The following DNAAF8 variants were observed in gnomAD, a reference collection of about 807,000 sequenced individuals.
DNAAF8 encodes dynein axonemal-associated protein 1.
In DNAAF8, 61 loss-of-function variants were observed where a neutral mutation model predicts 54.6. The ratio of observed to expected loss-of-function variants is 1.12; its 90% CI spans 0.91 to 1.38. The LOEUF is 1.38. Among genes scored for constraint, DNAAF8 ranks in the 40% most tolerant of loss-of-function variants. The probability of loss-of-function intolerance (pLI) is 0.00; values close to 1 mark genes in which losing one functional copy is unlikely to be tolerated. For missense variants in DNAAF8, 837 were observed against 665.0 expected (o/e 1.26, Z -2.85); for synonymous variants, 320 against 270.1 (o/e 1.18, Z -1.81).
chr16:4,740,841 G>C (rs7201003), intron 4 of DNAAF8, among the ~76,000 whole-genome samples, 182 bp downstream of exon 4: 3,123 of 152,136 alleles, frequency 0.021, 115 homozygotes, highest in African/African-American at 0.072. Flanking sequence ...AGCACATCCT[G>C]GGGGAGGGTT....
At position 4,748,714 on chromosome 16, in the gene DNAAF8, C is replaced by T. The variant is rs1486638049; in HGVS notation, c.*10-11C>T. 1.3e-5 allele frequency: 2 copies of T among 152,420 alleles called. No individual in the cohort carries two copies. The highest frequency in any genetic ancestry group is 4.8e-5 in the African/African-American group (2 of 41,456). 9.4% of individuals were successfully genotyped at this position (152,420 alleles called of 1,614,324 possible). A position where few individuals can be genotyped will look rare whatever the true frequency, so the allele number is the denominator to read the frequency against. ...CTGGGCACCTGTTTGTCTCCCCAAC[C>T]TTGTCTCCAGGATGTGTCCTGCTGT... On this transcript the variant is annotated splice_polypyrimidine_tract_variant and intron_variant, in intron 9 of 9. Transcript: ENST00000299320.
At chr16:4,745,610 A>C (rs562565879) in intron 6 of DNAAF8, among the ~76,000 whole-genome samples, 1 of 152,284 alleles carries the variant, frequency 6.6e-6, no homozygotes, top group South Asian at 2.1e-4. Flanking sequence ...TTTTCACCTG[A>C]CCAGCAGTGG....
chr16:4,740,104 G>C, intron 3 of DNAAF8, 49 bp from the exon 4 acceptor site: 2 of 1,501,294 alleles, frequency 1.3e-6, no homozygotes, highest in South Asian at 1.3e-5. Flanking sequence ...AACATTCCCT[G>C]AAGCATGTTT....
intron 5 of DNAAF8, chr16:4,743,978 G>T (rs2081981188): frequency 7.0e-6 from 1 of 142,704 alleles, no homozygotes; most frequent in African/African-American, 2.7e-5. Context: ...TGCCCAAACT[G>T]GAGTGCAATG....
Position 4,747,244 on chromosome 16 carries a change from T to C in DNAAF8, c.1281-99T>C, listed in dbSNP as rs574483503. The C allele has an allele frequency of 2.0e-5, 28 of 1,408,394 alleles. No homozygotes were observed. In the East Asian group the frequency reaches 6.5e-4, roughly 33 times the overall value. The allele number at this position is 1,408,394 out of a possible 1,614,324, so 87.2% of individuals were successfully genotyped here. A position where few individuals can be genotyped will look rare whatever the true frequency, so the allele number is the denominator to read the frequency against. Reference sequence around the variant, plus strand: ...CCTGAATTGCATTCTTGCTCTGAAATGGGAGCTGGGCTCATCTGCTTTTCT... The same window carrying C: ...CCTGAATTGCATTCTTGCTCTGAAACGGGAGCTGGGCTCATCTGCTTTTCT... On this transcript the variant is annotated intron_variant, in intron 8 of 9. Coordinates refer to ENST00000299320, the MANE Select transcript of DNAAF8 (RefSeq NM_139170.3).
chr16:4,745,278 C>T (rs773535910), intron 6 of DNAAF8, among the ~76,000 whole-genome samples: 1 of 152,194 alleles, frequency 6.6e-6, no homozygotes, highest in Non-Finnish European at 1.5e-5. Flanking sequence ...CCAACGGGAA[C>T]CCTCCTTTCA....
intron 1 of DNAAF8, 128 bp downstream of exon 1, chr16:4,734,826 A>T (rs904132195): frequency 2.0e-5 from 3 of 151,860 alleles, no homozygotes; most frequent in Admixed American, 2.0e-4. Flanking sequence ...TAAAAGCTCG[A>T]CCCGGGAGGC....
In DNAAF8 at chr16:4,740,178, C is replaced by T; in HGVS notation, c.302C>T (p.Ala101Val). 3 of 1,611,020 alleles carry T rather than the reference C, an allele frequency of 1.9e-6. No individual in the cohort carries two copies. Among genetic ancestry groups the T allele is most frequent in the Non-Finnish European group, 2.5e-6 (3 of 1,177,928 alleles). ...CCAGTTCTGGTGCCTGCAGAATTGG[C>T]CACAGAACCTGGGTGCAGACAGAAC... ...PEPVLVPAEL[A>V]TEPGCRQNTR... The change falls in exon 4 of 10, where the codon GCC becomes GTC. Residue 101 changes from alanine to valine, a missense_variant. Coordinates refer to ENST00000299320, the MANE Select transcript of DNAAF8 (RefSeq NM_139170.3).
At position 4,744,864 on chromosome 16, in the gene DNAAF8, C is replaced by T; in HGVS notation, c.902-6C>T. On this transcript the variant is annotated splice_region_variant and splice_polypyrimidine_tract_variant and intron_variant, in intron 5 of 9. Transcript: ENST00000299320. ...ACTAATCAGCCTCTCCTTTGGCCAT[C>T]CTCAGACCGCATGGTGCCGAGCGCC... 1 of 1,611,080 alleles carries T rather than the reference C, an allele frequency of 6.2e-7. No individual in the cohort carries two copies. The highest frequency in any genetic ancestry group is 8.5e-7 in the Non-Finnish European group (1 of 1,178,414).
intron 4 of DNAAF8, among the ~76,000 whole-genome samples, chr16:4,741,658 AGTGT>A (rs2081962511): frequency 2.6e-5 from 4 of 151,780 alleles, no homozygotes; most frequent in Non-Finnish European, 5.9e-5. Context: ...AAATTAGCCA[AGTGT>A]GGTGGTGCGC....
chr16:4,745,901 C>A (rs1381620843), intron 6 of DNAAF8, among the ~76,000 whole-genome samples: 1 of 143,376 alleles, frequency 7.0e-6, no homozygotes, highest in Non-Finnish European at 1.5e-5. Flanking sequence ...TTGCAGTGAC[C>A]AAGATCATGC....
Position 4,747,338 on chromosome 16 carries a change from C to A in DNAAF8, c.1281-5C>A. The A allele has an allele frequency of 6.4e-7, 1 of 1,558,908 alleles. No individual in the cohort carries two copies. Among genetic ancestry groups the A allele is most frequent in the Non-Finnish European group, 8.7e-7 (1 of 1,150,790 alleles). On this transcript the variant is annotated splice_polypyrimidine_tract_variant and splice_region_variant and intron_variant, in intron 8 of 9. Coordinates refer to ENST00000299320, the MANE Select transcript of DNAAF8 (RefSeq NM_139170.3). ...TTGAGTGAATTTGGTCTCATTGTGT[C>A]ACAGGACCTGTACCGGGAAAAGCCA...
In DNAAF8 at chr16:4,736,672, T is replaced by A. The variant is rs749768934; in HGVS notation, c.129+29T>A. 2.6e-6 allele frequency: 4 copies of A among 1,525,722 alleles called. No homozygotes were observed. The South Asian group carries it at 4.9e-5, about 19-fold the overall frequency. 94.5% of individuals were successfully genotyped at this position (1,525,722 alleles called of 1,614,324 possible). The stretch of plus-strand genomic sequence containing the variant: ...AGCAAGAACTCTCTCCCTGGATGCC[T>A]TGTCCTTCCTACCAGAGCAGGCATG... On this transcript the variant is annotated intron_variant, in intron 2 of 9. Transcript: ENST00000299320.
intron 2 of DNAAF8, among the ~76,000 whole-genome samples, chr16:4,737,258 A>G (rs917721441): frequency 2.0e-5 from 3 of 152,170 alleles, no homozygotes; most frequent in African/African-American, 7.2e-5. Flanking sequence ...GGCACCAGCA[A>G]CAGAGCTTCA....
rs139069211 is a variant in DNAAF8 at position 4,736,481 on chromosome 16, T to G, written c.-34T>G. 6.7e-7 allele frequency: 1 copy of G among 1,503,532 alleles called. No individual in the cohort carries two copies. The highest frequency in any genetic ancestry group is 9.0e-7 in the Non-Finnish European group (1 of 1,115,870). The allele number at this position is 1,503,532 out of a possible 1,614,324, so 93.1% of individuals were successfully genotyped here. A position where few individuals can be genotyped will look rare whatever the true frequency, so the allele number is the denominator to read the frequency against. On this transcript the variant is annotated 5_prime_UTR_variant, in exon 2 of 10. Transcript: ENST00000299320. ...CCCCACAGAGCTCCCCGGATTATGG[T>G]GCACTGAGAAGGCATCTGGAAGCCT...
intron 7 of DNAAF8, chr16:4,746,719 G>A: frequency 1.2e-6 from 1 of 808,152 alleles, no homozygotes; most frequent in South Asian, 1.9e-5. Context: ...CTCGGGCTGG[G>A]CTCTATGCAA....
At chr16:4,742,101 T>C (rs193215840) in intron 4 of DNAAF8, among the ~76,000 whole-genome samples, 20 of 152,298 alleles carry the variant, frequency 1.3e-4, no homozygotes, top group African/African-American at 4.6e-4. Flanking sequence ...TCTTGATTAA[T>C]TTCCTCCCTC....
chr16:4,742,402 A>G lies in DNAAF8; in HGVS notation c.784-641A>G, dbSNP rs138318260. ...AAACCCCATCTCTACTAAAAACACA[A>G]AAATTAGGCTGGGCGTGGTGGCTCA... On this transcript the variant is annotated intron_variant, in intron 4 of 9. Coordinates refer to ENST00000299320, the MANE Select transcript of DNAAF8 (RefSeq NM_139170.3). Among the ~76,000 whole-genome samples, 363 of 152,082 alleles carry G rather than the reference A, an allele frequency of 2.4e-3. 1 individual carries two copies. The highest frequency in any genetic ancestry group is 8.4e-3 in the African/African-American group (350 of 41,484).
At chr16:4,734,920 T>G (rs1336326795) in intron 1 of DNAAF8, 1 of 152,070 alleles carries the variant, frequency 6.6e-6, no homozygotes, top group Non-Finnish European at 1.5e-5. Context: ...GGCGGGGCTG[T>G]GGCGGGGCTA....
Sources: allele counts gnomAD v4.1 joint callset (sites outside exome capture counted in the v4.1 genomes callset), GRCh38; gene constraint gnomAD v4.1.1; transcripts MANE v1.5; gene names NCBI Gene and HGNC (gene_info 2026-07-23, HGNC 2026-07-21).